Variants in SLC9A2 observed in about 807,000 individuals in gnomAD.
SLC9A2 encodes the protein solute carrier family 9 member A2, also known as sodium/hydrogen exchanger 2.
In SLC9A2, 42 loss-of-function variants were observed where a neutral mutation model predicts 71.7. The ratio of observed to expected loss-of-function variants is 0.59; its 90% CI spans 0.46 to 0.76. SLC9A2 has a LOEUF of 0.76. Among genes scored for constraint, SLC9A2 ranks in the 30% least tolerant of loss-of-function variants. The probability of loss-of-function intolerance (pLI) is 0.00; values close to 1 mark genes in which losing one functional copy is unlikely to be tolerated. For missense variants in SLC9A2, 829 were observed against 1,017.4 expected (o/e 0.81, Z 2.52); for synonymous variants, 396 against 392.5 (o/e 1.01, Z -0.10).
intron 3 of SLC9A2, among the ~76,000 whole-genome samples, chr2:102,666,628 T>A (rs1677147203): frequency 6.6e-6 from 1 of 152,158 alleles, no homozygotes; most frequent in South Asian, 2.1e-4. Flanking sequence ...GTTAGACAAG[T>A]AGGCTGATGA....
intron 3 of SLC9A2, among the ~76,000 whole-genome samples, chr2:102,673,026 C>CA (rs58430032): frequency 0.062 from 9,246 of 148,330 alleles, 606 homozygotes; most frequent in African/African-American, 0.16. Context: ...CTGATGGAGG[C>CA]AAAAAAAAAT....
intron 1 of SLC9A2, among the ~76,000 whole-genome samples, chr2:102,628,986 C>T (rs1003523244): frequency 6.6e-6 from 1 of 152,030 alleles, no homozygotes; most frequent in African/African-American, 2.4e-5. Context: ...CTTGAAAAAA[C>T]AATGTGTATT....
intron 3 of SLC9A2, among the ~76,000 whole-genome samples, chr2:102,670,627 C>T (rs574508781): frequency 6.8e-6 from 1 of 147,848 alleles, no homozygotes; most frequent in South Asian, 2.1e-4. Flanking sequence ...AAAAAACAAC[C>T]CCAGCACATC....
chr2:102,625,166 A>G (rs1676222508), intron 1 of SLC9A2, among the ~76,000 whole-genome samples: 1 of 152,186 alleles, frequency 6.6e-6, no homozygotes, highest in Admixed American at 6.5e-5. Context: ...ATCTTCTCCC[A>G]GTGGGCTGCT....
At chr2:102,677,584 G>T (rs1677365651) in intron 3 of SLC9A2, among the ~76,000 whole-genome samples, 1 of 152,146 alleles carries the variant, frequency 6.6e-6, no homozygotes, top group African/African-American at 2.4e-5. Context: ...ATCTGGGCAT[G>T]CTTTGGAATG....
intron 2 of SLC9A2, among the ~76,000 whole-genome samples, chr2:102,660,830 G>A (rs1020468072): frequency 6.6e-6 from 1 of 152,104 alleles, no homozygotes; most frequent in East Asian, 1.9e-4. Context: ...CGGCAAAAAC[G>A]ATGAGTCACT....
At chr2:102,695,141 T>A in intron 7 of SLC9A2, 28 bp downstream of exon 7, 1 of 1,527,522 alleles carries the variant, frequency 6.5e-7, no homozygotes, top group Non-Finnish European at 9.1e-7. Flanking sequence ...CATTGGGTTA[T>A]GAAGTGGCCC....
intron 3 of SLC9A2, among the ~76,000 whole-genome samples, chr2:102,667,541 T>C (rs1025649978): frequency 1.3e-5 from 2 of 152,062 alleles, no homozygotes; most frequent in African/African-American, 4.8e-5. Context: ...CCCATGTCGG[T>C]GATGGAAGGG....
intron 1 of SLC9A2, among the ~76,000 whole-genome samples, chr2:102,631,674 G>T (rs1355312713): frequency 6.6e-6 from 1 of 151,824 alleles, no homozygotes; most frequent in South Asian, 2.1e-4. Flanking sequence ...TCTATAGAAG[G>T]CCTAATTCTC....
intron 7 of SLC9A2, among the ~76,000 whole-genome samples, chr2:102,695,824 TAA>T (rs1367543820): frequency 7.6e-6 from 1 of 130,856 alleles, no homozygotes; most frequent in African/African-American, 2.9e-5. Context: ...AATATATATA[TAA>T]AAAGCTAAAA....
chr2:102,694,967 A>C (rs1677726986), intron 6 of SLC9A2, 76 bp from the exon 7 acceptor site: 8 of 1,248,674 alleles, frequency 6.4e-6, no homozygotes, highest in Middle Eastern at 1.9e-4. Context: ...TTTGGAGTTT[A>C]GAAATGATAC....
intron 5 of SLC9A2, among the ~76,000 whole-genome samples, chr2:102,692,465 C>T (rs540738217): frequency 3.9e-5 from 6 of 152,106 alleles, no homozygotes; most frequent in Non-Finnish European, 8.8e-5. Flanking sequence ...ACCCTCTGTC[C>T]CTGAAATCCT....
chr2:102,647,519 G>T (rs573958917), intron 1 of SLC9A2, among the ~76,000 whole-genome samples: 3 of 152,078 alleles, frequency 2.0e-5, no homozygotes, highest in African/African-American at 7.2e-5. Flanking sequence ...AGGAGATAGG[G>T]ACACCAAAAA....
intron 3 of SLC9A2, among the ~76,000 whole-genome samples, chr2:102,672,081 C>T (rs538492042): frequency 3.6e-4 from 55 of 151,902 alleles, no homozygotes; most frequent in Non-Finnish European, 7.2e-4. Context: ...TGCACTCCAG[C>T]CTGGGAGACA....
At chr2:102,644,551 CT>C (rs1676679100) in intron 1 of SLC9A2, among the ~76,000 whole-genome samples, 2 of 152,222 alleles carry the variant, frequency 1.3e-5, no homozygotes, top group Admixed American at 1.3e-4. Context: ...GACCAGCAAG[CT>C]AAGATCCACT....
chr2:102,705,192 C>T (rs1026177430), intron 10 of SLC9A2, among the ~76,000 whole-genome samples: 21 of 152,012 alleles, frequency 1.4e-4, no homozygotes, highest in Admixed American at 2.6e-4. Context: ...GATGACAGAG[C>T]GAGACTCCTT....
At position 102,708,296 on chromosome 2, in the gene SLC9A2, C is replaced by A. The variant is rs1377929861; in HGVS notation, c.2246C>A (p.Thr749Lys). ...SGRDMPSTPP[T>K]PHSREKGTQT... is the part of the protein sequence containing the mutation. Reference sequence around the variant, plus strand: ...CGAGATATGCCCAGCACCCCCCCAACACCCCACAGCAGAGAAAAGGGCACC... The same window carrying A: ...CGAGATATGCCCAGCACCCCCCCAAAACCCCACAGCAGAGAAAAGGGCACC... The change falls in exon 12 of 12, where the codon ACA becomes AAA. Residue 749 changes from threonine to lysine, a missense_variant. By Grantham distance (78) the Thr-to-Lys change is moderately conservative. Coordinates refer to ENST00000233969, the MANE Select transcript of SLC9A2 (RefSeq NM_003048.6). 1 of 1,614,176 alleles carries A rather than the reference C, an allele frequency of 6.2e-7. No individual in the cohort carries two copies. The highest frequency in any genetic ancestry group is 8.5e-7 in the Non-Finnish European group (1 of 1,180,026).
At chr2:102,671,315 A>T (rs184273883) in intron 3 of SLC9A2, among the ~76,000 whole-genome samples, 2 of 152,306 alleles carry the variant, frequency 1.3e-5, no homozygotes, top group African/African-American at 2.4e-5. Flanking sequence ...GCCAAGACTG[A>T]CCACTTTAAA....
At chr2:102,646,220 A>G (rs1385676151) in intron 1 of SLC9A2, among the ~76,000 whole-genome samples, 1 of 152,238 alleles carries the variant, frequency 6.6e-6, no homozygotes, top group Non-Finnish European at 1.5e-5. Context: ...TAAGCGAAGG[A>G]GAAATAAAAT....
Sources: gnomAD v4.1 joint callset for allele counts (sites outside exome capture counted in the v4.1 genomes callset) on GRCh38, gnomAD v4.1.1 for gene constraint, MANE v1.5 for transcripts, NCBI Gene and HGNC (gene_info 2026-07-23, HGNC 2026-07-21) for gene names.